RAB20: variants seen among roughly 807,000 people sequenced by gnomAD.
RAB20 encodes the protein RAB20, member RAS oncogene family.
In RAB20, 2 loss-of-function variants were observed where a neutral mutation model predicts 3.7. The ratio of observed to expected loss-of-function variants is 0.54; its 90% CI spans 0.22 to 1.69. The LOEUF is 1.69. Ranked by LOEUF, RAB20 falls within the 40% of genes most tolerant of loss-of-function variation. The pLI is 0.19. For synonymous variants in RAB20, 126 were observed against 130.8 expected, an observed-to-expected ratio of 0.96 and a Z score of 0.25; for missense variants, 276 against 311.9, an observed-to-expected ratio of 0.88 and a Z score of 0.87.
At chr13:110,561,298 G>A in intron 1 of RAB20, 50 bp downstream of exon 1, 2 of 1,497,518 alleles carry the variant, frequency 1.3e-6, no homozygotes, top group Non-Finnish European at 8.9e-7. Context: ...CGCGCCCCCC[G>A]TCCCCGGCGG....
At chr13:110,540,780 T>G (rs1439727339) in intron 1 of RAB20, among the ~76,000 whole-genome samples, 1 of 122,978 alleles carries the variant, frequency 8.1e-6, no homozygotes, top group Non-Finnish European at 1.7e-5. Flanking sequence ...AATTTTGTTA[T>G]GTATATTATA....
intron 1 of RAB20, among the ~76,000 whole-genome samples, chr13:110,529,357 G>A (rs1237113916): frequency 3.3e-5 from 5 of 152,118 alleles, no homozygotes; most frequent in Non-Finnish European, 1.5e-5. Flanking sequence ...TACAAGTATG[G>A]GCTTAAACTG....
At position 110,532,721 on chromosome 13, in the gene RAB20, C is replaced by A. The variant is rs537332352; in HGVS notation, c.173-8524G>T. ...TGAGACAGAGTCTTGCTCTGTCACCCAGGCTGAAGTGCAGTGGTACGATCA... is the reference window on the plus strand; with the variant it reads ...TGAGACAGAGTCTTGCTCTGTCACCAAGGCTGAAGTGCAGTGGTACGATCA... On this transcript the variant is annotated intron_variant, in intron 1 of 1. Coordinates refer to ENST00000267328, the MANE Select transcript of RAB20 (RefSeq NM_017817.3). Among the ~76,000 whole-genome samples, 606 of 152,242 alleles carry A rather than the reference C, an allele frequency of 4.0e-3. 5 individuals are homozygous for A. The highest frequency in any genetic ancestry group is 0.014 in the African/African-American group (580 of 41,526).
intron 1 of RAB20, among the ~76,000 whole-genome samples, chr13:110,537,701 T>TAACAGCTTTTAGA (rs1884672069): frequency 6.8e-6 from 1 of 147,636 alleles, no homozygotes; most frequent in Non-Finnish European, 1.5e-5. Flanking sequence ...CAGCCACTAT[T>TAACAGCTTTTAGA]AACAGCTTTT....
At chr13:110,554,612 G>A (rs771502192) in intron 1 of RAB20, among the ~76,000 whole-genome samples, 4 of 152,166 alleles carry the variant, frequency 2.6e-5, no homozygotes, top group African/African-American at 9.7e-5. Flanking sequence ...CCTCCTCCAG[G>A]CCCAAGATTT....
chr13:110,537,906 C>T (rs2391836), intron 1 of RAB20, among the ~76,000 whole-genome samples: 50,593 of 151,820 alleles, frequency 0.33, 9,337 homozygotes, highest in African/African-American at 0.49. Flanking sequence ...GCAAGCAGAG[C>T]CCAGGGCTCC....
intron 1 of RAB20, among the ~76,000 whole-genome samples, chr13:110,531,011 G>A (rs191300327): frequency 1.6e-4 from 24 of 152,336 alleles, no homozygotes; most frequent in Admixed American, 1.2e-3. Context: ...CCACGATCCC[G>A]TCCTGTATCA....
chr13:110,531,935 C>T (rs1024531484), intron 1 of RAB20, among the ~76,000 whole-genome samples: 2 of 152,188 alleles, frequency 1.3e-5, no homozygotes, highest in Admixed American at 1.3e-4. Flanking sequence ...TTCACTGTTG[C>T]GGAACCAAAA....
At chr13:110,533,781 G>A (rs763633499) in intron 1 of RAB20, among the ~76,000 whole-genome samples, 8 of 152,242 alleles carry the variant, frequency 5.3e-5, no homozygotes, top group Non-Finnish European at 1.2e-4. Flanking sequence ...GTATTCAATT[G>A]TTTGTTGATT....
intron 1 of RAB20, among the ~76,000 whole-genome samples, chr13:110,535,745 G>A (rs751671256): frequency 5.3e-5 from 8 of 152,312 alleles, no homozygotes; most frequent in South Asian, 4.1e-4. Context: ...GCCTCTGAGC[G>A]CCCACTGGAC....
intron 1 of RAB20, among the ~76,000 whole-genome samples, chr13:110,547,804 A>G (rs1377526790): frequency 2.0e-5 from 3 of 152,258 alleles, no homozygotes; most frequent in South Asian, 2.1e-4. Flanking sequence ...CTATAAGGCC[A>G]AAGTCTGTAG....
At chr13:110,538,794 T>A (rs1884701846) in intron 1 of RAB20, among the ~76,000 whole-genome samples, 1 of 152,026 alleles carries the variant, frequency 6.6e-6, no homozygotes, top group Non-Finnish European at 1.5e-5. Flanking sequence ...CCATCCTGTG[T>A]TCTCAGCTGT....
chr13:110,551,929 AAAAAATAC>A (rs3074411), intron 1 of RAB20, among the ~76,000 whole-genome samples: 62,657 of 144,712 alleles, frequency 0.43, 15,088 homozygotes, highest in South Asian at 0.58. Context: ...AAAAAAAAAA[AAAAAATAC>A]AAAAATTAGC....
At position 110,532,304 on chromosome 13, in the gene RAB20, G is replaced by T. The variant is rs555793857; in HGVS notation, c.173-8107C>A. Among the ~76,000 whole-genome samples the T allele has an allele frequency of 4.6e-5, 7 of 152,306 alleles. No homozygotes were observed. The East Asian group carries it at 1.3e-3, about 29-fold the overall frequency. ...TGAAATGTAAGAATTAGAAAGCTTG[G>T]TATTTCAATTCATTGAAAAGTGAGC... is the stretch of plus-strand genomic sequence containing the variant. On this transcript the variant is annotated intron_variant, in intron 1 of 1. Coordinates refer to ENST00000267328, the MANE Select transcript of RAB20 (RefSeq NM_017817.3).
intron 1 of RAB20, among the ~76,000 whole-genome samples, chr13:110,558,363 C>T (rs188886592): frequency 6.8e-6 from 1 of 147,842 alleles, no homozygotes; most frequent in East Asian, 2.0e-4. Context: ...TCCCACTTAA[C>T]TTCTGCTGTC....
intron 1 of RAB20, among the ~76,000 whole-genome samples, chr13:110,528,486 T>C (rs1212707806): frequency 6.6e-6 from 1 of 152,062 alleles, no homozygotes; most frequent in Non-Finnish European, 1.5e-5. Context: ...CTAAGACTTT[T>C]GTTTCAGGGA....
chr13:110,559,051 G>C (rs1885089222), intron 1 of RAB20, among the ~76,000 whole-genome samples: 2 of 152,148 alleles, frequency 1.3e-5, no homozygotes, highest in Non-Finnish European at 2.9e-5. Flanking sequence ...TGTGTCAATG[G>C]AATAGGGTAA....
chr13:110,534,032 G>A (rs2031782110), intron 1 of RAB20, among the ~76,000 whole-genome samples: 1 of 152,216 alleles, frequency 6.6e-6, no homozygotes, highest in African/African-American at 2.4e-5. Flanking sequence ...AACTGTATCT[G>A]GTCGGGCCCC....
At chr13:110,524,305 C>G (rs562537753) in intron 1 of RAB20, 108 bp from the exon 2 acceptor site, 1 of 1,415,520 alleles carries the variant, frequency 7.1e-7, no homozygotes, top group African/African-American at 1.4e-5. Context: ...TTTAGGGCAA[C>G]ACACACAGGA....
Sources: gnomAD v4.1 joint callset for allele counts (sites outside exome capture counted in the v4.1 genomes callset) on GRCh38, gnomAD v4.1.1 for gene constraint, MANE v1.5 for transcripts, NCBI Gene and HGNC (gene_info 2026-07-23, HGNC 2026-07-21) for gene names.